COL21A1: variants seen among roughly 807,000 people sequenced by gnomAD.
The protein encoded by COL21A1 is collagen type XXI alpha 1 chain.
COL21A1 carries 149 observed loss-of-function variants against 137.9 expected under a neutral mutation model. The observed-to-expected ratio is 1.08, with a 90% CI of 0.95 to 1.24. The LOEUF is 1.24. Ranked by LOEUF, COL21A1 falls within the 50% of genes most tolerant of loss-of-function variation. COL21A1 has a pLI of 0.00. For missense variants in COL21A1, 1,167 were observed against 1,158.4 expected, an observed-to-expected ratio of 1.01 and a Z score of -0.11; for synonymous variants, 456 against 391.5, an observed-to-expected ratio of 1.16 and a Z score of -1.95.
rs537840981 is a variant in COL21A1, at chr6:56,155,364, T to C, written c.1434+1523A>G. The stretch of plus-strand genomic sequence containing the variant: ...TTTTGTTTGTTTGTTTTATTTCTTG[T>C]TTTTTAATTTCTTAGGAAATCTCTC... On this transcript the variant is annotated intron_variant, in intron 10 of 29. Transcript: ENST00000244728. 2.0e-4 allele frequency among the ~76,000 whole-genome samples: 31 copies of C among 152,274 alleles called. No homozygotes were observed. In the South Asian group the frequency reaches 6.0e-3, roughly 30 times the overall value.
chr6:56,267,754 T>TA (rs61326932), intron 1 of COL21A1, among the ~76,000 whole-genome samples: 21 of 131,468 alleles, frequency 1.6e-4, no homozygotes, highest in Middle Eastern at 3.6e-3. Flanking sequence ...AAGACTCTGT[T>TA]AAAAAAAAAA....
At chr6:56,235,655 T>A (rs1384228311) in intron 1 of COL21A1, among the ~76,000 whole-genome samples, 1 of 151,944 alleles carries the variant, frequency 6.6e-6, no homozygotes, top group African/African-American at 2.4e-5. Context: ...GAATAACACC[T>A]GATGTCAGCC....
intron 1 of COL21A1, among the ~76,000 whole-genome samples, chr6:56,260,936 G>A (rs1483324945): frequency 1.4e-5 from 2 of 146,356 alleles, no homozygotes; most frequent in Admixed American, 6.8e-5. Flanking sequence ...ACCCTTAGAA[G>A]TAAATCACAA....
At chr6:56,328,242 G>A (rs1049309892) in intron 1 of COL21A1, among the ~76,000 whole-genome samples, 2 of 152,000 alleles carry the variant, frequency 1.3e-5, no homozygotes, top group African/African-American at 4.8e-5. Flanking sequence ...TAAAATATGA[G>A]TTCTTTCCCA....
chr6:56,094,812 C>T (rs528383640), intron 17 of COL21A1, among the ~76,000 whole-genome samples: 5 of 152,216 alleles, frequency 3.3e-5, no homozygotes, highest in African/African-American at 7.2e-5. Flanking sequence ...CAGGAGCTGA[C>T]GCTGTAATCC....
Position 56,325,362 on chromosome 6 carries a change from T to TATA in COL21A1, c.-39+68606_-39+68608dup, listed in dbSNP as rs1303726921. On this transcript the variant is annotated intron_variant, in intron 1 of 28. Transcript: ENST00000370819. ...ATTATATATTATATATTATATATAT[T>TATA]ATATATTATATATATTATAATATAT... 7.5e-3 allele frequency among the ~76,000 whole-genome samples: 4 copies of TATA among 536 alleles called. 1 individual carries two copies. Among genetic ancestry groups the TATA allele is most frequent in the African/African-American group, 7.8e-3 (4 of 512 alleles). The allele number at this position is 536 out of a possible 152,430, so 0.4% of individuals were successfully genotyped here. A position where few individuals can be genotyped will look rare whatever the true frequency, so the allele number is the denominator to read the frequency against.
intron 1 of COL21A1, among the ~76,000 whole-genome samples, chr6:56,311,363 C>T (rs4302670): frequency 0.85 from 129,469 of 152,230 alleles, 57,485 homozygotes; most frequent in South Asian, 0.99. Flanking sequence ...CACTCGGGCT[C>T]AGGCAGTACC....
rs115992899 is a variant in COL21A1, at chr6:56,381,998, G to A, written c.-39+11973C>T. Among the ~76,000 whole-genome samples the A allele has an allele frequency of 3.4e-3, 511 of 152,284 alleles. 4 individuals carry two copies. The highest frequency in any genetic ancestry group is 0.011 in the African/African-American group (477 of 41,560). ...GCAACAGATATGAATCTGTGACCTAGATGCAAATTATTCCTGATGACATGG... is the reference window on the plus strand; with the variant it reads ...GCAACAGATATGAATCTGTGACCTAAATGCAAATTATTCCTGATGACATGG... On this transcript the variant is annotated intron_variant, in intron 1 of 28. Coordinates refer to the COL21A1 transcript ENST00000370819.
At chr6:56,384,721 GCA>G (rs2094014616) in intron 1 of COL21A1, among the ~76,000 whole-genome samples, 1 of 152,122 alleles carries the variant, frequency 6.6e-6, no homozygotes, top group Admixed American at 6.5e-5. Context: ...GCTGGTAAGA[GCA>G]CCAGCCTGGA....
intron 3 of COL21A1, among the ~76,000 whole-genome samples, chr6:56,174,521 C>T (rs1334125519): frequency 1.3e-5 from 2 of 151,904 alleles, no homozygotes; most frequent in Non-Finnish European, 2.9e-5. Context: ...TAAGTGACCA[C>T]TATGAACGAC....
chr6:56,116,669 C>T (rs1039599925), intron 16 of COL21A1, among the ~76,000 whole-genome samples: 3 of 151,874 alleles, frequency 2.0e-5, no homozygotes, highest in African/African-American at 4.8e-5. Context: ...TACACTGTTA[C>T]TGTGGTGTGT....
intron 16 of COL21A1, among the ~76,000 whole-genome samples, chr6:56,107,933 G>T (rs544242687): frequency 2.1e-4 from 32 of 151,902 alleles, no homozygotes; most frequent in African/African-American, 7.5e-4. Flanking sequence ...TAAACAAGAA[G>T]AAAAGATTAA....
intron 20 of COL21A1, among the ~76,000 whole-genome samples, chr6:56,072,364 A>C (rs1766836930): frequency 6.6e-6 from 1 of 151,516 alleles, no homozygotes; most frequent in Non-Finnish European, 1.5e-5. Context: ...TAGTATAGTT[A>C]AATAGGCTTA....
chr6:56,212,292 G>A (rs1780218478), intron 1 of COL21A1, among the ~76,000 whole-genome samples: 1 of 151,892 alleles, frequency 6.6e-6, no homozygotes, highest in Non-Finnish European at 1.5e-5. Context: ...GCTATTCTGA[G>A]ATCACCATTG....
intron 16 of COL21A1, among the ~76,000 whole-genome samples, chr6:56,121,463 G>A (rs563779959): frequency 1.4e-5 from 2 of 143,418 alleles, no homozygotes; most frequent in African/African-American, 5.2e-5. Context: ...AGGTTATTTT[G>A]TCATATGTAT....
At chr6:56,110,098 A>G (rs1771288654) in intron 16 of COL21A1, among the ~76,000 whole-genome samples, 1 of 151,996 alleles carries the variant, frequency 6.6e-6, no homozygotes, top group Non-Finnish European at 1.5e-5. Context: ...AACATTTGCA[A>G]ATTGAATCCA....
chr6:56,309,755 C>A (rs1764565435), intron 1 of COL21A1, among the ~76,000 whole-genome samples: 1 of 152,170 alleles, frequency 6.6e-6, no homozygotes, highest in Admixed American at 6.5e-5. Flanking sequence ...TCATAATGGT[C>A]TTTAGAACAT....
intron 22 of COL21A1, among the ~76,000 whole-genome samples, chr6:56,067,764 T>A (rs1164154631): frequency 6.6e-6 from 1 of 151,748 alleles, no homozygotes; most frequent in Admixed American, 6.6e-5. Context: ...AGTGCTATTT[T>A]AGAAAACATA....
intron 1 of COL21A1, among the ~76,000 whole-genome samples, chr6:56,231,566 G>C (rs1464747301): frequency 6.6e-6 from 1 of 151,760 alleles, no homozygotes; most frequent in Non-Finnish European, 1.5e-5. Flanking sequence ...AAGCAAATTT[G>C]AGAATCTCTT....
Sources: allele counts gnomAD v4.1 joint callset (sites outside exome capture counted in the v4.1 genomes callset), GRCh38; gene constraint gnomAD v4.1.1; transcripts MANE v1.5; gene names NCBI Gene and HGNC (gene_info 2026-07-23, HGNC 2026-07-21).